Variants in BNC2 observed in about 807,000 individuals in gnomAD.
The protein encoded by BNC2 is basonuclin zinc finger protein 2.
BNC2 carries 20 observed loss-of-function variants against 76.3 expected under a neutral mutation model. That is an observed-to-expected ratio of 0.26 (90% CI 0.18 to 0.38). BNC2 has a LOEUF of 0.38. Among genes scored for constraint, BNC2 ranks in the 10% least tolerant of loss-of-function variants. The pLI is 1.00. For synonymous variants in BNC2, 582 were observed against 514.8 expected, an observed-to-expected ratio of 1.13 and a Z score of -1.77; for missense variants, 1,382 against 1,399.8, an observed-to-expected ratio of 0.99 and a Z score of 0.20.
At chr9:16,461,634 T>C (rs1587055535) in intron 5 of BNC2, among the ~76,000 whole-genome samples, 1 of 151,940 alleles carries the variant, frequency 6.6e-6, no homozygotes, top group Admixed American at 6.6e-5. Context: ...AGGTTTCGGG[T>C]ATCACAGGTG....
rs373879208 is a variant in BNC2, at chr9:16,419,631, G to T, written c.2658C>A (p.Asn886Lys). 7.2e-7 allele frequency: 1 copy of T among 1,394,982 alleles called. No homozygotes were observed. Among genetic ancestry groups the T allele is most frequent in the Non-Finnish European group, 9.6e-7 (1 of 1,046,372 alleles). The allele number at this position is 1,394,982 out of a possible 1,614,324, so 86.4% of individuals were successfully genotyped here. A position where few individuals can be genotyped will look rare whatever the true frequency, so the allele number is the denominator to read the frequency against. Residue 886 changes from asparagine to lysine, a missense_variant, in exon 7 of 7, where the codon AAC becomes AAA. Asn to Lys is a moderately conservative substitution (Grantham distance 94). Transcript: ENST00000380672. ...RSRDRHSANI[N>K]LHRKLLTKEL... Reference sequence around the variant, plus strand: ...CTTTGGTCAACAGTTTACGATGTAGGTTTATGTTGGCACTGTGTCTAGGAA... The same window carrying T: ...CTTTGGTCAACAGTTTACGATGTAGTTTTATGTTGGCACTGTGTCTAGGAA...
At chr9:16,524,304 G>A (rs367604470) in intron 5 of BNC2, among the ~76,000 whole-genome samples, 5 of 152,292 alleles carry the variant, frequency 3.3e-5, no homozygotes, top group East Asian at 3.9e-4. Context: ...GAGAGTGAAT[G>A]GGGCTTCAGC....
At chr9:16,487,514 G>C (rs1822191414) in intron 5 of BNC2, among the ~76,000 whole-genome samples, 1 of 152,136 alleles carries the variant, frequency 6.6e-6, no homozygotes, top group Admixed American at 6.5e-5. Context: ...ACTGAAAAGA[G>C]AACATTAAAT....
intron 1 of BNC2, among the ~76,000 whole-genome samples, chr9:16,756,852 A>G (rs1286316930): frequency 1.3e-5 from 2 of 152,170 alleles, no homozygotes; most frequent in Middle Eastern, 3.4e-3. Context: ...TTAACCGGGC[A>G]TGGTGGCAGG....
intron 1 of BNC2, among the ~76,000 whole-genome samples, chr9:16,750,139 A>C (rs560590541): frequency 6.6e-6 from 1 of 152,334 alleles, no homozygotes; most frequent in African/African-American, 2.4e-5. Flanking sequence ...TGTTTTAAAG[A>C]ATCTACGAGA....
chr9:16,617,131 T>C (rs1820728170), intron 3 of BNC2, among the ~76,000 whole-genome samples: 1 of 152,134 alleles, frequency 6.6e-6, no homozygotes, highest in Admixed American at 6.6e-5. Flanking sequence ...GGGGTCATGA[T>C]CATCATCGAT....
chr9:16,610,924 T>A (rs1172402020), intron 3 of BNC2, among the ~76,000 whole-genome samples: 1 of 152,222 alleles, frequency 6.6e-6, no homozygotes, highest in Non-Finnish European at 1.5e-5. Flanking sequence ...GTCATACTTT[T>A]TAATAATACA....
At chr9:16,661,357 C>G (rs1209580272) in intron 3 of BNC2, among the ~76,000 whole-genome samples, 2 of 152,218 alleles carry the variant, frequency 1.3e-5, no homozygotes, top group African/African-American at 4.8e-5. Flanking sequence ...TATAAAACAG[C>G]ATGTACCACC....
chr9:16,860,290 A>C (rs900141437), intron 1 of BNC2, among the ~76,000 whole-genome samples: 1 of 152,192 alleles, frequency 6.6e-6, no homozygotes, highest in Admixed American at 6.6e-5. Flanking sequence ...AAAACTTAAT[A>C]CAAAGCTACA....
At chr9:16,598,910 C>T (rs919347129) in intron 3 of BNC2, among the ~76,000 whole-genome samples, 13 of 152,174 alleles carry the variant, frequency 8.5e-5, no homozygotes, top group African/African-American at 3.1e-4. Context: ...TTTTTCACTT[C>T]TATTTCCTTA....
At chr9:16,812,305 C>G (rs1818073547) in intron 1 of BNC2, among the ~76,000 whole-genome samples, 1 of 152,188 alleles carries the variant, frequency 6.6e-6, no homozygotes, top group African/African-American at 2.4e-5. Flanking sequence ...TTCACAAAAC[C>G]AGGGAATATT....
chr9:16,790,473 A>C (rs968694856), intron 1 of BNC2, among the ~76,000 whole-genome samples: 1 of 152,356 alleles, frequency 6.6e-6, no homozygotes, highest in South Asian at 2.1e-4. Flanking sequence ...ATTTATAAAA[A>C]ACTGTGTCAA....
At chr9:16,658,829 C>G (rs7043372) in intron 3 of BNC2, among the ~76,000 whole-genome samples, 36 of 152,196 alleles carry the variant, frequency 2.4e-4, no homozygotes, top group African/African-American at 7.9e-4. Context: ...TATGCCCACA[C>G]CCCCCACCCA....
chr9:16,503,464 A>G (rs1199269950), intron 5 of BNC2, among the ~76,000 whole-genome samples: 2 of 152,162 alleles, frequency 1.3e-5, no homozygotes, highest in African/African-American at 2.4e-5. Context: ...TAAATCAAAA[A>G]TACAAAATAC....
intron 1 of BNC2, among the ~76,000 whole-genome samples, chr9:16,801,942 G>A (rs759942126): frequency 2.0e-5 from 3 of 151,908 alleles, no homozygotes; most frequent in East Asian, 1.9e-4. Context: ...AGTTTTTCCC[G>A]TTTCAGTATC....
At chr9:16,681,383 T>C (rs1246163315) in intron 3 of BNC2, among the ~76,000 whole-genome samples, 2 of 152,144 alleles carry the variant, frequency 1.3e-5, no homozygotes, top group African/African-American at 4.8e-5. Context: ...GATGTATTGC[T>C]TGTGTGTCCC....
rs1394778544 is a variant in BNC2 at position 16,754,959 on chromosome 9, CCAA to C, written c.4-16477_4-16475del. On this transcript the variant is annotated intron_variant, in intron 1 of 6. Coordinates refer to ENST00000380672, the MANE Select transcript of BNC2 (RefSeq NM_017637.6). ...GAGGGCCACAGTCAGCTATTTCTTC[CCAA>C]CAAGATACTTCCCCCTTCACCTCCA... is the stretch of plus-strand genomic sequence containing the variant. 3.9e-5 allele frequency among the ~76,000 whole-genome samples: 6 copies of C among 152,264 alleles called. 1 individual carries two copies. The East Asian group carries it at 1.2e-3, about 29-fold the overall frequency.
intron 3 of BNC2, among the ~76,000 whole-genome samples, chr9:16,605,499 C>G (rs1254845640): frequency 6.6e-6 from 1 of 152,222 alleles, no homozygotes; most frequent in Non-Finnish European, 1.5e-5. Flanking sequence ...ACTCTCTAAA[C>G]CACTATGCTT....
intron 1 of BNC2, among the ~76,000 whole-genome samples, chr9:16,749,111 A>T (rs1372361013): frequency 6.6e-6 from 1 of 152,026 alleles, no homozygotes; most frequent in Non-Finnish European, 1.5e-5. Context: ...TGCTCAAAGC[A>T]CAGTTCCTGC....
Sources: allele counts gnomAD v4.1 joint callset (sites outside exome capture counted in the v4.1 genomes callset), GRCh38; gene constraint gnomAD v4.1.1; transcripts MANE v1.5; gene names NCBI Gene and HGNC (gene_info 2026-07-23, HGNC 2026-07-21).